PRAM1: variants seen among roughly 807,000 people sequenced by gnomAD.
PRAM1 encodes PML-RARA regulated adaptor molecule 1, also known as PML-RARA-regulated adapter molecule 1.
Under a neutral mutation model 55.3 loss-of-function variants are expected in PRAM1, and 41 were observed. That is an observed-to-expected ratio of 0.74 (90% CI 0.58 to 0.96). The LOEUF (loss-of-function observed/expected upper bound fraction) is 0.96. Among genes scored for constraint, PRAM1 ranks in the 40% least tolerant of loss-of-function variants. The pLI is 0.00. For synonymous variants in PRAM1, 401 were observed against 387.1 expected, an observed-to-expected ratio of 1.04 and a Z score of -0.42; for missense variants, 898 against 892.7, an observed-to-expected ratio of 1.01 and a Z score of -0.08.
rs1971585743 is a variant in PRAM1, at chr19:8,490,070, GC to G, written c.*118del. On this transcript the variant is annotated 3_prime_UTR_variant, in exon 10 of 10. Transcript: ENST00000423345. The surrounding 1 kb of genome is among the most constrained non-coding windows in gnomAD (Gnocchi z 7.3). The stretch of plus-strand genomic sequence containing the variant: ...GAAGCAGGGACTGCTTTAAACTGGG[GC>G]TTTATGTGGCCAGGTACAAGCCCAG... 5 of 995,402 alleles carry G rather than the reference GC, an allele frequency of 5.0e-6. No homozygotes were observed. The South Asian group carries it at 8.5e-5, about 17-fold the overall frequency. The allele number at this position is 995,402 out of a possible 1,614,324, so 61.7% of individuals were successfully genotyped here.
rs760961110 is a variant in PRAM1, at chr19:8,490,989, C to T, written c.1641G>A (p.Glu547=). Residue 547 remains glutamate, a synonymous_variant, in exon 6 of 10, where the codon GAG becomes GAA. Coordinates refer to ENST00000423345, the MANE Select transcript of PRAM1 (RefSeq NM_032152.5). The surrounding 1 kb of genome is among the most constrained non-coding windows in gnomAD (Gnocchi z 7.3). ...RPPQDPALRK[E]KDPQPQQLPP... ...GCAACTGCTGTGGCTGGGGATCCTT[C>T]TCCTTCCTGATAGCCCCCACCAAGG... is the stretch of plus-strand genomic sequence containing the variant. 1 of 1,596,900 alleles carries T rather than the reference C, an allele frequency of 6.3e-7. No individual in the cohort carries two copies. The highest frequency in any genetic ancestry group is 8.5e-7 in the Non-Finnish European group (1 of 1,179,606).
At chr19:8,495,995 T>C (rs1428489872) in intron 4 of PRAM1, 18 of 452,532 alleles carry the variant, frequency 4.0e-5, no homozygotes, top group African/African-American at 1.6e-4. Context: ...AGCACAAACT[T>C]CTAAGAAACC....
rs1430125251 is a variant in PRAM1 at position 8,502,574 on chromosome 19, A to C, written c.18T>G (p.Pro6=). The C allele has an allele frequency of 3.8e-5, 59 of 1,546,834 alleles. No individual in the cohort carries two copies. The highest frequency in any genetic ancestry group is 5.1e-5 in the Non-Finnish European group (58 of 1,146,662). Residue 6 remains proline, a synonymous_variant, in exon 1 of 10, where the codon CCT becomes CCG. Transcript: ENST00000423345. ...CTCTTCCAGCACTCACCATGGCTGCAGGCAGGTGATGGGCCATGGGATGAG... is the reference window on the plus strand; with the variant it reads ...CTCTTCCAGCACTCACCATGGCTGCCGGCAGGTGATGGGCCATGGGATGAG... MAHHL[P]AAMESHQDFR...
At chr19:8,496,543 G>A (rs1160854361) in intron 4 of PRAM1, among the ~76,000 whole-genome samples, 1 of 151,522 alleles carries the variant, frequency 6.6e-6, no homozygotes, top group Admixed American at 6.6e-5. Flanking sequence ...TAGCCAACAT[G>A]GTGAAACCCC....
chr19:8,497,119 T>C (rs1209964160), intron 4 of PRAM1, among the ~76,000 whole-genome samples: 1 of 151,442 alleles, frequency 6.6e-6, no homozygotes, highest in Non-Finnish European at 1.5e-5. Context: ...GGCTCTGTCA[T>C]GCCCTTGGGT....
intron 4 of PRAM1, among the ~76,000 whole-genome samples, chr19:8,495,648 CTGCT>C (rs904805605): frequency 2.0e-5 from 3 of 151,570 alleles, no homozygotes; most frequent in African/African-American, 4.9e-5. Flanking sequence ...TGCCTGGAAG[CTGCT>C]TGTGTTTTCA....
rs1392173881 is a variant in PRAM1 at position 8,499,251 on chromosome 19, C to T, written c.557G>A (p.Gly186Asp). ...TTGCCAGAGCTTCCTGGGGAATGCG[C>T]CGGATTTGGGTTCGGAGGGGGGTCT... ...PARPPSEPKS[G>D]AFPRKLWQPE... The change falls in exon 2 of 10, where the codon GGC becomes GAC. Residue 186 changes from glycine (G) to aspartate (D), a missense_variant. By Grantham distance (94) the Gly-to-Asp change is moderately conservative (BLOSUM62 -1). Around this residue, in one of 4 missense-constraint regions of PRAM1, gnomAD observed 787 missense variants for 735.4 expected, o/e 1.07. Transcript: ENST00000423345. The T allele has an allele frequency of 1.2e-6, 2 of 1,611,236 alleles. No homozygotes were observed. The highest frequency in any genetic ancestry group is 3.3e-5 in the Admixed American group (2 of 59,724).
intron 1 of PRAM1, 111 bp downstream of exon 1, chr19:8,502,454 G>GCCCCCCCCC: frequency 1.7e-6 from 1 of 590,950 alleles, no homozygotes; most frequent in Non-Finnish European, 2.9e-6. Flanking sequence ...GTCTTTCGCA[G>GCCCCCCCCC]CCACCCCCCG....
At chr19:8,501,373 C>T (rs904704774) in intron 1 of PRAM1, among the ~76,000 whole-genome samples, 2 of 151,794 alleles carry the variant, frequency 1.3e-5, no homozygotes, top group African/African-American at 2.4e-5. Flanking sequence ...TGAGCCATCA[C>T]GCCTGGCCTA....
rs373788642 is a variant in PRAM1 at position 8,498,744 on chromosome 19, C to T, written c.1064G>A (p.Arg355His). 3.2e-6 allele frequency: 5 copies of T among 1,577,936 alleles called. No individual in the cohort carries two copies. The highest frequency in any genetic ancestry group is 2.3e-5 in the East Asian group (1 of 42,608). Residue 355 changes from arginine (R) to histidine (H), a missense_variant, in exon 2 of 10, where the codon CGC (arginine) becomes CAC (histidine). Physicochemically the swap from Arg to His is conservative, Grantham distance 29. This residue lies in a region of PRAM1 where 787 missense variants were observed against 735.4 expected (regional missense o/e 1.07). Coordinates refer to ENST00000423345, the MANE Select transcript of PRAM1 (RefSeq NM_032152.5). ...LLQPERRGPP[R>H]KFSQPEPSAV... is the part of the protein sequence containing the mutation. ...GCTGGGCTCAGGCTGTGAGAACTTG[C>T]GGGGTGGCCCCCGGCGCTCCGGCTG...
Position 8,490,152 on chromosome 19 carries a change from G to A in PRAM1, c.*37C>T. 6.6e-7 allele frequency: 1 copy of A among 1,514,996 alleles called. No homozygotes were observed. Among genetic ancestry groups the A allele is most frequent in the East Asian group, 2.4e-5 (1 of 42,206 alleles). The allele number at this position is 1,514,996 out of a possible 1,614,324, so 93.8% of individuals were successfully genotyped here. On this transcript the variant is annotated 3_prime_UTR_variant, in exon 10 of 10. Transcript: ENST00000423345. The surrounding 1 kb of genome is among the most constrained non-coding windows in gnomAD (Gnocchi z 7.3). ...CAGGGCTCCTGGGTGAGCGGGCGCTGGGCTGGCTGGCTGTCCTGGCCCCAC... is the reference window on the plus strand; with the variant it reads ...CAGGGCTCCTGGGTGAGCGGGCGCTAGGCTGGCTGGCTGTCCTGGCCCCAC...
At chr19:8,496,138 G>A (rs1475733052) in intron 4 of PRAM1, 3 of 455,436 alleles carry the variant, frequency 6.6e-6, no homozygotes, top group African/African-American at 6.0e-5. Context: ...AAATCAGGCT[G>A]GGCGTGGTGG....
Position 8,498,281 on chromosome 19 carries a change from T to C in PRAM1, c.1441A>G (p.Arg481Gly), listed in dbSNP as rs1971730095. 6.2e-7 allele frequency: 1 copy of C among 1,612,074 alleles called. No individual in the cohort carries two copies. Among genetic ancestry groups the C allele is most frequent in the African/African-American group, 1.3e-5 (1 of 74,886 alleles). ...RPSAASIDLR[R>G]TRSAAGLHFQ... ...TGGAGCCCAGCGGCCGAGCGGGTCC[T>C]CCGTAGATCTGTGGGGTAGAGAGTA... Residue 481 changes from arginine to glycine, a missense_variant, in exon 3 of 10, where the codon AGG becomes GGG. Around this residue, in one of 4 missense-constraint regions of PRAM1, gnomAD observed 787 missense variants for 735.4 expected, o/e 1.07. Transcript: ENST00000423345.
chr19:8,493,884 A>G lies in PRAM1; in HGVS notation c.1577-2727T>C, dbSNP rs865805513. 1.3e-5 allele frequency among the ~76,000 whole-genome samples: 2 copies of G among 150,750 alleles called. No individual in the cohort carries two copies. Among genetic ancestry groups the G allele is most frequent in the Non-Finnish European group, 1.5e-5 (1 of 67,736 alleles). On this transcript the variant is annotated intron_variant, in intron 4 of 9. Transcript: ENST00000423345. The surrounding 1 kb of genome is among the most constrained non-coding windows in gnomAD (Gnocchi z 4.1). ...GCAATCTCGGCTCATTGCAGCCTCCATCTCCTGGATTCAAGCGATCCTCCC... is the reference window on the plus strand; with the variant it reads ...GCAATCTCGGCTCATTGCAGCCTCCGTCTCCTGGATTCAAGCGATCCTCCC...
At chr19:8,491,343 C>T in intron 4 of PRAM1, 186 bp from the exon 5 acceptor site, 2 of 643,046 alleles carry the variant, frequency 3.1e-6, no homozygotes, top group South Asian at 1.8e-5. Context: ...AAGCGATTCT[C>T]CTACCTCAGG....
In PRAM1 at chr19:8,490,224, G is replaced by A. The variant is rs377607401; in HGVS notation, c.1978C>T (p.Pro660Ser). Residue 660 changes from proline (P) to serine (S), a missense_variant and splice_region_variant, in exon 10 of 10, where the codon CCC becomes TCC. Coordinates refer to ENST00000423345, the MANE Select transcript of PRAM1 (RefSeq NM_032152.5). This position sits in a 1 kb window ranked among gnomAD's most constrained non-coding sequence, Gnocchi z 7.3. ...EVYDDVDFCD[P>S]LENQPLPLGR Reference sequence around the variant, plus strand: ...AGGGGGAGTGGTTGGTTTTCCAGGGGATCTGCCGAGGAAGCGTGACTTCCA... The same window carrying A: ...AGGGGGAGTGGTTGGTTTTCCAGGGAATCTGCCGAGGAAGCGTGACTTCCA... 1 of 1,602,750 alleles carries A rather than the reference G, an allele frequency of 6.2e-7. No homozygotes were observed. The highest frequency in any genetic ancestry group is 8.5e-7 in the Non-Finnish European group (1 of 1,173,730).
In PRAM1 at chr19:8,498,847, G is replaced by A. The variant is rs773942766; in HGVS notation, c.961C>T (p.Pro321Ser). 6.2e-7 allele frequency: 1 copy of A among 1,606,992 alleles called. No homozygotes were observed. The highest frequency in any genetic ancestry group is 1.7e-4 in the Middle Eastern group (1 of 6,032). Residue 321 changes from proline (P) to serine (S), a missense_variant, in exon 2 of 10, where the codon CCC becomes TCC. By Grantham distance (74) the Pro-to-Ser change is moderately conservative. Transcript: ENST00000423345. ...PAEFKALSKK[P>S]PQPELGGLPR... ...AGGCCGCCCAGCTCGGGCTGCGGGG[G>A]CTTCTTGGAGAGCGCTTTGAATTCG... is the stretch of plus-strand genomic sequence containing the variant.
At chr19:8,492,259 T>A (rs1971641168) in intron 4 of PRAM1, among the ~76,000 whole-genome samples, 1 of 146,710 alleles carries the variant, frequency 6.8e-6, no homozygotes, top group East Asian at 2.1e-4. Context: ...TTCTTTTGTT[T>A]TTGTTTTTGT....
rs184796913 is a variant in PRAM1, at chr19:8,493,999, T to C, written c.1577-2842A>G. 1.1e-3 allele frequency among the ~76,000 whole-genome samples: 163 copies of C among 152,282 alleles called. No homozygotes were observed. Among genetic ancestry groups the C allele is most frequent in the Middle Eastern group, 3.4e-3 (1 of 294 alleles). Reference sequence around the variant, plus strand: ...TTTTAGTAGAGACGGGGTTTCACCATGTTGGCCAGGCTGGTCTCGAACTCC... The same window carrying C: ...TTTTAGTAGAGACGGGGTTTCACCACGTTGGCCAGGCTGGTCTCGAACTCC... On this transcript the variant is annotated intron_variant, in intron 4 of 9. Transcript: ENST00000423345. This position sits in a 1 kb window ranked among gnomAD's most constrained non-coding sequence, Gnocchi z 4.1.
Sources: gnomAD v4.1 joint callset for allele counts (sites outside exome capture counted in the v4.1 genomes callset) on GRCh38, gnomAD v4.1.1 for gene constraint, gnomAD v4.1.1 regional missense constraint, Gnocchi (gnomAD v3.1) non-coding constraint, MANE v1.5 for transcripts, NCBI Gene and HGNC (gene_info 2026-07-23, HGNC 2026-07-21) for gene names.